The following CPEB3 variants were observed in gnomAD, a reference collection of about 807,000 sequenced individuals.
CPEB3 encodes cytoplasmic polyadenylation element-binding protein 3.
A neutral mutation model predicts 67.2 loss-of-function variants in CPEB3; 20 were observed. The observed-to-expected ratio is 0.30, with a 90% CI of 0.21 to 0.43. The LOEUF is 0.43. Among genes scored for constraint, CPEB3 ranks in the 20% least tolerant of loss-of-function variants. The probability of loss-of-function intolerance (pLI) is 1.00; values close to 1 mark genes in which losing one functional copy is unlikely to be tolerated. For synonymous variants in CPEB3, 376 were observed against 393.1 expected (o/e 0.96, Z 0.51); for missense variants, 746 against 968.6 (o/e 0.77, Z 3.05).
At chr10:92,228,402 A>G (rs1851089908) in intron 2 of CPEB3, among the ~76,000 whole-genome samples, 1 of 152,170 alleles carries the variant, frequency 6.6e-6, no homozygotes, top group African/African-American at 2.4e-5. Flanking sequence ...TAAATTTTCC[A>G]TTCCAGATTG....
intron 6 of CPEB3, among the ~76,000 whole-genome samples, chr10:92,135,615 G>A (rs1045776798): frequency 8.5e-5 from 13 of 152,094 alleles, no homozygotes; most frequent in African/African-American, 2.9e-4. Flanking sequence ...ATTCCTCAAG[G>A]ATCTAGAACT....
intron 2 of CPEB3, among the ~76,000 whole-genome samples, chr10:92,197,473 T>C (rs909860289): frequency 2.6e-5 from 4 of 152,242 alleles, no homozygotes; most frequent in African/African-American, 9.6e-5. Context: ...GCAACTAACC[T>C]GTTAGACCTT....
chr10:92,287,116 A>G (rs1842564020), intron 1 of CPEB3, among the ~76,000 whole-genome samples: 2 of 151,198 alleles, frequency 1.3e-5, no homozygotes, highest in South Asian at 2.1e-4. Flanking sequence ...TCTTGGCTGA[A>G]TATCATTTAT....
intron 4 of CPEB3, among the ~76,000 whole-genome samples, chr10:92,166,259 C>A (rs1033719976): frequency 1.3e-5 from 2 of 152,002 alleles, no homozygotes; most frequent in African/African-American, 2.4e-5. Flanking sequence ...CAGGCGTGCA[C>A]CACCATGCAC....
intron 2 of CPEB3, among the ~76,000 whole-genome samples, chr10:92,235,909 A>C (rs1373534800): frequency 1.3e-5 from 2 of 152,208 alleles, no homozygotes; most frequent in Admixed American, 1.3e-4. Flanking sequence ...CAAATTTACA[A>C]CATAAAGAAA....
intron 2 of CPEB3, among the ~76,000 whole-genome samples, chr10:92,202,902 T>C (rs1344445614): frequency 6.6e-6 from 1 of 151,892 alleles, no homozygotes; most frequent in African/African-American, 2.4e-5. Context: ...AATAAATCTA[T>C]TATTTTTATT....
chr10:92,053,914 G>C (rs1190797497), intron 9 of CPEB3, among the ~76,000 whole-genome samples: 1 of 151,680 alleles, frequency 6.6e-6, no homozygotes, highest in Non-Finnish European at 1.5e-5. Flanking sequence ...TCAAACTCCT[G>C]ACCTCAGGTG....
intron 1 of CPEB3, among the ~76,000 whole-genome samples, chr10:92,271,949 C>T (rs1853325487): frequency 6.6e-6 from 1 of 152,150 alleles, no homozygotes; most frequent in South Asian, 2.1e-4. Flanking sequence ...GGTTTTTCCT[C>T]CTCCCCTAAT....
At chr10:92,203,428 GTATATA>G (rs1415358161) in intron 2 of CPEB3, among the ~76,000 whole-genome samples, 2 of 134,610 alleles carry the variant, frequency 1.5e-5, no homozygotes, top group Non-Finnish European at 3.0e-5. Context: ...ATATATATAC[GTATATA>G]TGTATATGTA....
In CPEB3 at chr10:92,092,817, T is replaced by C. The variant is rs187601772; in HGVS notation, c.1573-873A>G. The stretch of plus-strand genomic sequence containing the variant: ...GAGAGAGAATTACCTCTTTTGGATT[T>C]ATCTGATTTTGACAAATGAGGCTGG... On this transcript the variant is annotated intron_variant, in intron 7 of 9. Transcript: ENST00000265997. Among the ~76,000 whole-genome samples, 12 of 152,272 alleles carry C rather than the reference T, an allele frequency of 7.9e-5. No homozygotes were observed. In the East Asian group the frequency reaches 1.5e-3, roughly 20 times the overall value.
At chr10:92,053,456 C>G (rs1841981311) in intron 9 of CPEB3, among the ~76,000 whole-genome samples, 2 of 151,986 alleles carry the variant, frequency 1.3e-5, no homozygotes, top group Non-Finnish European at 1.5e-5. Context: ...CTCTGCCTCC[C>G]AGGTTCAAGT....
At chr10:92,107,283 T>A (rs761909604) in intron 7 of CPEB3, among the ~76,000 whole-genome samples, 95 of 152,206 alleles carry the variant, frequency 6.2e-4, no homozygotes, top group East Asian at 5.8e-4. Context: ...TTTGGTAATA[T>A]GGTTTTTAAA....
At chr10:92,196,953 GA>G (rs1000476485) in intron 2 of CPEB3, among the ~76,000 whole-genome samples, 2 of 151,832 alleles carry the variant, frequency 1.3e-5, no homozygotes, top group African/African-American at 4.8e-5. Context: ...AAGGGTAGGG[GA>G]TAATTCTCTC....
intron 9 of CPEB3, among the ~76,000 whole-genome samples, chr10:92,075,113 C>G (rs568116737): frequency 6.6e-6 from 1 of 152,168 alleles, no homozygotes; most frequent in African/African-American, 2.4e-5. Context: ...TTAGTCCTCC[C>G]GTGGCTGGAC....
intron 6 of CPEB3, among the ~76,000 whole-genome samples, chr10:92,139,520 T>G (rs952358021): frequency 1.3e-5 from 2 of 149,764 alleles, no homozygotes; most frequent in Non-Finnish European, 3.0e-5. Context: ...ATGATGTAAG[T>G]TACCAGAGGC....
intron 4 of CPEB3, among the ~76,000 whole-genome samples, chr10:92,163,279 A>G (rs1466467012): frequency 6.6e-6 from 1 of 152,184 alleles, no homozygotes; most frequent in Non-Finnish European, 1.5e-5. Flanking sequence ...TACTAAAAAT[A>G]CAAAATTAGC....
At chr10:92,244,022 T>C (rs1480961252) in intron 1 of CPEB3, among the ~76,000 whole-genome samples, 1 of 152,202 alleles carries the variant, frequency 6.6e-6, no homozygotes, top group Non-Finnish European at 1.5e-5. Context: ...ACTCTTATAC[T>C]AAAATAATAT....
At chr10:92,245,520 C>T (rs938729635) in intron 1 of CPEB3, among the ~76,000 whole-genome samples, 1 of 152,140 alleles carries the variant, frequency 6.6e-6, no homozygotes, top group African/African-American at 2.4e-5. Flanking sequence ...AAAAGATCTA[C>T]GTAAAACAAC....
intron 8 of CPEB3, among the ~76,000 whole-genome samples, chr10:92,090,661 C>T (rs1456365589): frequency 6.6e-6 from 1 of 152,190 alleles, no homozygotes; most frequent in African/African-American, 2.4e-5. Context: ...TGTCCCTCTC[C>T]ACTCCTAAAT....
Sources: gnomAD v4.1 joint callset for allele counts (sites outside exome capture counted in the v4.1 genomes callset) on GRCh38, gnomAD v4.1.1 for gene constraint, MANE v1.5 for transcripts, NCBI Gene and HGNC (gene_info 2026-07-23, HGNC 2026-07-21) for gene names.